NTN1: variants seen among roughly 807,000 people sequenced by gnomAD.
NTN1 encodes the protein netrin-1.
A neutral mutation model predicts 54.2 loss-of-function variants in NTN1; 11 were observed. The ratio of observed to expected loss-of-function variants is 0.20; its 90% CI spans 0.13 to 0.34. The LOEUF (loss-of-function observed/expected upper bound fraction) is 0.34, where lower values mean the gene tolerates loss of function less well. Ranked by LOEUF, NTN1 falls within the 10% of genes least tolerant of loss-of-function variation. NTN1 has a pLI of 1.00. For synonymous variants in NTN1, 371 were observed against 382.0 expected (o/e 0.97, Z 0.33); for missense variants, 740 against 893.1 (o/e 0.83, Z 2.18).
At position 9,081,891 on chromosome 17, in the gene NTN1, C is replaced by T. The variant is rs572984256; in HGVS notation, c.1018+58500C>T. Among the ~76,000 whole-genome samples, 7 of 152,244 alleles carry T rather than the reference C, an allele frequency of 4.6e-5. 1 individual carries two copies. In the South Asian group the frequency reaches 1.5e-3, roughly 32 times the overall value. On this transcript the variant is annotated intron_variant, in intron 2 of 6. Transcript: ENST00000173229. ...TACATAAGGCCTGGAAGAGCACTTC[C>T]ATTTGCCAACTTGCTGCAGGGCCAA...
At chr17:9,154,950 C>A (rs538696344) in intron 2 of NTN1, among the ~76,000 whole-genome samples, 4 of 152,220 alleles carry the variant, frequency 2.6e-5, no homozygotes, top group Admixed American at 1.3e-4. Context: ...GGTTCTTTTC[C>A]ATTGAGTTCC....
chr17:9,136,729 C>G (rs764667237), intron 2 of NTN1, among the ~76,000 whole-genome samples: 6 of 152,134 alleles, frequency 3.9e-5, no homozygotes, highest in Admixed American at 6.5e-5. Context: ...AGAAATTGGT[C>G]TTTATGAATT....
chr17:9,120,716 G>A (rs1470220966), intron 2 of NTN1, among the ~76,000 whole-genome samples: 1 of 152,172 alleles, frequency 6.6e-6, no homozygotes, highest in Non-Finnish European at 1.5e-5. Context: ...CAGAGTTGGT[G>A]GGGGTCCCAG....
In NTN1 at chr17:9,129,518, C is replaced by T. The variant is rs118089785; in HGVS notation, c.1019-33295C>T. On this transcript the variant is annotated intron_variant, in intron 2 of 6. Coordinates refer to ENST00000173229, the MANE Select transcript of NTN1 (RefSeq NM_004822.3). ...GCATTCTGAGTGACAGACTGAGTTT[C>T]ATCCCATCAAAAGTTCTGTTCAGGC... 3.0e-3 allele frequency among the ~76,000 whole-genome samples: 459 copies of T among 152,286 alleles called. 1 individual carries two copies. Among genetic ancestry groups the T allele is most frequent in the Non-Finnish European group, 5.6e-3 (379 of 68,024 alleles).
chr17:9,081,770 C>A (rs1251710231), intron 2 of NTN1, among the ~76,000 whole-genome samples: 1 of 152,210 alleles, frequency 6.6e-6, no homozygotes, highest in Non-Finnish European at 1.5e-5. Context: ...ATAGAGGAAG[C>A]ACTTTCATGC....
intron 2 of NTN1, among the ~76,000 whole-genome samples, chr17:9,093,058 A>G (rs941511077): frequency 6.6e-6 from 1 of 151,712 alleles, no homozygotes; most frequent in Non-Finnish European, 1.5e-5. Context: ...GCGCCCAGCC[A>G]ATTTTTGTGT....
the NTN1 span, among the ~76,000 whole-genome samples, chr17:9,011,310 T>G: frequency 2.0e-5 from 3 of 152,148 alleles, no homozygotes; most frequent in Admixed American, 2.0e-4. Flanking sequence ...AAGGATCCTT[T>G]CCTTGCCCTT....
intron 2 of NTN1, among the ~76,000 whole-genome samples, chr17:9,124,596 G>A (rs540093754): frequency 2.6e-5 from 4 of 152,216 alleles, no homozygotes; most frequent in Admixed American, 6.5e-5. Context: ...GGGCTCTGAT[G>A]GTGAACTGGG....
At chr17:9,108,888 T>G (rs1235147802) in intron 2 of NTN1, among the ~76,000 whole-genome samples, 1 of 152,190 alleles carries the variant, frequency 6.6e-6, no homozygotes, top group Admixed American at 6.5e-5. Context: ...CTTTTCTTTC[T>G]TTTTTTGAGA....
At chr17:9,061,106 G>A (rs1449450576) in intron 2 of NTN1, among the ~76,000 whole-genome samples, 1 of 152,138 alleles carries the variant, frequency 6.6e-6, no homozygotes, top group Admixed American at 6.5e-5. Context: ...TTGCACAGGG[G>A]AAAGATCATC....
intron 6 of NTN1, among the ~76,000 whole-genome samples, chr17:9,222,228 C>T (rs1905383406): frequency 6.6e-6 from 1 of 152,248 alleles, no homozygotes; most frequent in Admixed American, 6.5e-5. Flanking sequence ...CTGCCCACCT[C>T]CCTCCGTCCT....
chr17:9,040,418 C>T (rs1001826753), intron 2 of NTN1, among the ~76,000 whole-genome samples: 1 of 152,112 alleles, frequency 6.6e-6, no homozygotes, highest in Non-Finnish European at 1.5e-5. Flanking sequence ...GTGGGTATTA[C>T]AATGTATAGA....
chr17:9,089,308 G>A (rs1401923395), intron 2 of NTN1, among the ~76,000 whole-genome samples: 6 of 151,944 alleles, frequency 3.9e-5, no homozygotes, highest in Non-Finnish European at 7.4e-5. Flanking sequence ...CCAGCTACTC[G>A]GGAGGCTGAG....
At chr17:9,086,438 C>T (rs2092090179) in intron 2 of NTN1, among the ~76,000 whole-genome samples, 1 of 152,156 alleles carries the variant, frequency 6.6e-6, no homozygotes, top group Non-Finnish European at 1.5e-5. Context: ...GATTGAAATA[C>T]AGTGGAGAGA....
intron 2 of NTN1, among the ~76,000 whole-genome samples, chr17:9,066,907 A>G (rs914520308): frequency 2.1e-4 from 31 of 150,234 alleles, no homozygotes; most frequent in African/African-American, 6.7e-4. Context: ...AGGCTGAGGC[A>G]GGAGGATCAC....
At chr17:9,032,103 GA>G (rs1360550549) in intron 2 of NTN1, among the ~76,000 whole-genome samples, 1 of 152,192 alleles carries the variant, frequency 6.6e-6, no homozygotes, top group Non-Finnish European at 1.5e-5. Flanking sequence ...CCTGAACAGG[GA>G]TAGGCGCCCC....
At chr17:9,217,904 G>A (rs570878363) in intron 5 of NTN1, among the ~76,000 whole-genome samples, 1 of 150,770 alleles carries the variant, frequency 6.6e-6, no homozygotes, top group South Asian at 2.1e-4. Flanking sequence ...TGCTCAGAGG[G>A]TGATGTCATT....
Position 9,239,950 on chromosome 17 carries a change from C to T in NTN1, c.1797C>T (p.Gly599=). The T allele has an allele frequency of 1.5e-6, 2 of 1,306,740 alleles. No individual in the cohort carries two copies. Among genetic ancestry groups the T allele is most frequent in the South Asian group, 2.4e-5 (2 of 83,266 alleles). The allele number at this position is 1,306,740 out of a possible 1,614,324, so 80.9% of individuals were successfully genotyped here. The stretch of plus-strand genomic sequence containing the variant: ...AGTTCCAGCAGCGTGAGAAGAAGGG[C>T]AAGTGCAAGAAGGCCTAGCGCCGAG... ...LRKFQQREKK[G]KCKKA is the part of the protein sequence containing the mutation. Residue 599 remains glycine, a synonymous_variant, in exon 7 of 7, where the codon GGC becomes GGT. Coordinates refer to ENST00000173229, the MANE Select transcript of NTN1 (RefSeq NM_004822.3). The surrounding 1 kb of genome is among the most constrained non-coding windows in gnomAD (Gnocchi z 5.2).
chr17:9,163,477 AACACACAC>A (rs55765967), intron 3 of NTN1, among the ~76,000 whole-genome samples: 1,564 of 142,708 alleles, frequency 0.011, 25 homozygotes, highest in African/African-American at 0.038. Flanking sequence ...TCCCCCCCGA[AACACACAC>A]ACACACACAC....
Sources: gnomAD v4.1 joint callset for allele counts (sites outside exome capture counted in the v4.1 genomes callset) on GRCh38, gnomAD v4.1.1 for gene constraint, Gnocchi (gnomAD v3.1) non-coding constraint, MANE v1.5 for transcripts, NCBI Gene and HGNC (gene_info 2026-07-23, HGNC 2026-07-21) for gene names.